The following SART1 variants were observed in gnomAD, a reference collection of about 807,000 sequenced individuals.
The protein encoded by SART1 is U4/U6.U5 tri-snRNP-associated protein 1.
SART1 carries 28 observed loss-of-function variants against 105.0 expected under a neutral mutation model. The observed-to-expected ratio is 0.27, with a 90% confidence interval of 0.20 to 0.37. The LOEUF is 0.37. Ranked by LOEUF, SART1 falls within the 10% of genes least tolerant of loss-of-function variation. The pLI is 1.00. For synonymous variants in SART1, 472 were observed against 462.9 expected, an observed-to-expected ratio of 1.02 and a Z score of -0.25; for missense variants, 894 against 1,106.5, an observed-to-expected ratio of 0.81 and a Z score of 2.72.
intron 9 of SART1, among the ~76,000 whole-genome samples, chr11:65,966,852 G>A (rs1007370538): frequency 5.3e-5 from 8 of 152,182 alleles, no homozygotes; most frequent in African/African-American, 1.9e-4. Flanking sequence ...GACAGGAGCC[G>A]CCTCCTGAGG....
At chr11:65,967,851 G>A (rs542473398) in intron 12 of SART1, 30 bp downstream of exon 12, 62 of 1,460,940 alleles carry the variant, frequency 4.2e-5, no homozygotes, top group Middle Eastern at 2.5e-4. Context: ...GGGTGACTGC[G>A]TCAGCAGTCA....
At chr11:65,972,842 A>C (rs1410968990) in intron 12 of SART1, among the ~76,000 whole-genome samples, 2 of 151,772 alleles carry the variant, frequency 1.3e-5, no homozygotes, top group Non-Finnish European at 2.9e-5. Context: ...TCTTCAAGAA[A>C]CCATGAAGAA....
chr11:65,975,410 ATT>A (rs531946236), intron 12 of SART1, among the ~76,000 whole-genome samples: 10 of 110,100 alleles, frequency 9.1e-5, no homozygotes, highest in Non-Finnish European at 1.2e-4. Context: ...CCCTGGAAGA[ATT>A]TTTTTTTTTT....
intron 9 of SART1, 133 bp from the exon 10 acceptor site, chr11:65,967,126 T>C: frequency 7.8e-7 from 1 of 1,278,866 alleles, no homozygotes; most frequent in Non-Finnish European, 1.1e-6. Context: ...ACCCCACATG[T>C]TGCTCATGTG....
intron 15 of SART1, 136 bp from the exon 16 acceptor site, chr11:65,977,427 C>T (rs748795257): frequency 9.1e-5 from 66 of 721,974 alleles, no homozygotes; most frequent in Non-Finnish European, 1.5e-4. Flanking sequence ...CTTTGCTTTG[C>T]CTGTAGAACA....
At chr11:65,974,963 C>T (rs1211771393) in intron 12 of SART1, among the ~76,000 whole-genome samples, 1 of 151,944 alleles carries the variant, frequency 6.6e-6, no homozygotes, top group Non-Finnish European at 1.5e-5. Context: ...TGCTGTGAAC[C>T]CAGGAGGCGG....
chr11:65,977,986 C>A, intron 17 of SART1, 87 bp downstream of exon 17: 1 of 1,420,270 alleles, frequency 7.0e-7, no homozygotes, highest in South Asian at 1.3e-5. Context: ...CCATGCAATG[C>A]CCCAGGGTCC....
At chr11:65,962,939 C>T (rs904719339) in intron 1 of SART1, among the ~76,000 whole-genome samples, 2 of 150,902 alleles carry the variant, frequency 1.3e-5, no homozygotes, top group African/African-American at 4.9e-5. Flanking sequence ...TAGTGGGTGT[C>T]ATTTCTACTG....
rs773288477 is a variant in SART1 at position 65,976,733 on chromosome 11, G to A, written c.1824G>A (p.Thr608=). The change falls in exon 14 of 20, where the codon ACG becomes ACA. Residue 608 remains threonine, a synonymous_variant. Coordinates refer to ENST00000312397, the MANE Select transcript of SART1 (RefSeq NM_005146.5). This position sits in a 1 kb window ranked among gnomAD's most constrained non-coding sequence, Gnocchi z 5.1. ...GGGAGGAGAACATCGGCTGGAGCAC[G>A]GTGAACCTGGACGAGGAGAAGCAGC... The part of the protein sequence containing the change: ...SDGEENIGWS[T]VNLDEEKQQQ... 20 of 1,612,490 alleles carry A rather than the reference G, an allele frequency of 1.2e-5. No individual in the cohort carries two copies. Among genetic ancestry groups the A allele is most frequent in the Admixed American group, 3.3e-5 (2 of 59,914 alleles).
chr11:65,966,392 G>A lies in SART1; in HGVS notation c.1024G>A (p.Glu342Lys). 2 of 1,613,986 alleles carry A rather than the reference G, an allele frequency of 1.2e-6. No homozygotes were observed. The highest frequency in any genetic ancestry group is 3.3e-4 in the Middle Eastern group (2 of 6,056). Residue 342 changes from glutamate to lysine, a missense_variant, in exon 9 of 20, where the codon GAA (glutamate) becomes AAA (lysine). By Grantham distance (56) the Glu-to-Lys change is moderately conservative. Transcript: ENST00000312397. ...CCTGTCCAAGTATGACGAAGAGCTT[G>A]AAGGGGAGCGGCCACATTCCTTCCG... ...SILSKYDEEL[E>K]GERPHSFRLE... is the part of the protein sequence containing the mutation.
In SART1 at chr11:65,978,611, G is replaced by T; in HGVS notation, c.2184G>T (p.Gln728His). 6.4e-7 allele frequency: 1 copy of T among 1,564,970 alleles called. No homozygotes were observed. Among genetic ancestry groups the T allele is most frequent in the African/African-American group, 1.4e-5 (1 of 73,764 alleles). The change falls in exon 18 of 20, where the codon CAG becomes CAT. Residue 728 changes from glutamine to histidine, a missense_variant. By Grantham distance (24) the Gln-to-His change is conservative. Transcript: ENST00000312397. The surrounding 1 kb of genome is among the most constrained non-coding windows in gnomAD (Gnocchi z 6.8). ...RKLTPKEAFR[Q>H]LSHRFHGKGS... ...CCCCGCGTCCCCAGGCTTTCCGGCA[G>T]CTGTCGCACCGCTTCCATGGCAAGG...
intron 12 of SART1, among the ~76,000 whole-genome samples, chr11:65,974,933 G>A (rs372766144): frequency 6.0e-5 from 9 of 150,854 alleles, no homozygotes; most frequent in South Asian, 2.1e-4. Context: ...CCAGCTACTC[G>A]GGAGGCTGAG....
At chr11:65,966,719 G>A (rs1429139008) in intron 9 of SART1, among the ~76,000 whole-genome samples, 163 bp downstream of exon 9, 2 of 152,212 alleles carry the variant, frequency 1.3e-5, no homozygotes, top group East Asian at 3.8e-4. Context: ...CACCAGGTGT[G>A]GATGGGTCAG....
In SART1 at chr11:65,976,773, G is replaced by T; in HGVS notation, c.1857+7G>T. ...GGAGAAGCAGCAGCAGGATGTGAGG[G>T]CCGCGCCGCTGGGGGGTGGGCGTTT... On this transcript the variant is annotated splice_region_variant and intron_variant, in intron 14 of 19. Transcript: ENST00000312397. This position sits in a 1 kb window ranked among gnomAD's most constrained non-coding sequence, Gnocchi z 5.1. The T allele has an allele frequency of 6.3e-7, 1 of 1,598,842 alleles. No individual in the cohort carries two copies. Among genetic ancestry groups the T allele is most frequent in the Non-Finnish European group, 8.5e-7 (1 of 1,172,268 alleles).
chr11:65,968,354 TG>T (rs1276077797), intron 12 of SART1, among the ~76,000 whole-genome samples: 1 of 152,206 alleles, frequency 6.6e-6, no homozygotes, highest in Non-Finnish European at 1.5e-5. Context: ...GAATGCCTGC[TG>T]TGAGTAGTGC....
At chr11:65,969,816 G>T (rs895499886) in intron 12 of SART1, among the ~76,000 whole-genome samples, 5 of 152,168 alleles carry the variant, frequency 3.3e-5, no homozygotes, top group Non-Finnish European at 7.3e-5. Context: ...TCCATGTCCC[G>T]GGCTCAAGCA....
chr11:65,979,042 C>G lies in SART1; in HGVS notation c.*12C>G, dbSNP rs370672268. 1.9e-6 allele frequency: 3 copies of G among 1,613,984 alleles called. No individual in the cohort carries two copies. In the East Asian group the frequency reaches 6.7e-5, roughly 36 times the overall value. On this transcript the variant is annotated 3_prime_UTR_variant, in exon 20 of 20. Coordinates refer to ENST00000312397, the MANE Select transcript of SART1 (RefSeq NM_005146.5). ...CCATCACCAAGTGACAGCGCCCTCC[C>G]GCCCCGGCCCTGCCTCAACCTTCAT... is the stretch of plus-strand genomic sequence containing the variant.
intron 12 of SART1, among the ~76,000 whole-genome samples, chr11:65,974,200 A>G (rs1185066521): frequency 3.8e-5 from 1 of 26,450 alleles, no homozygotes; most frequent in Non-Finnish European, 9.8e-5. Flanking sequence ...CTCTCTACTA[A>G]AAAAAAAAAA....
At chr11:65,973,183 G>A (rs540127670) in intron 12 of SART1, among the ~76,000 whole-genome samples, 7 of 152,072 alleles carry the variant, frequency 4.6e-5, no homozygotes, top group African/African-American at 1.7e-4. Context: ...CAAAAAAAAA[G>A]AAATTGAGAA....
Sources: allele counts gnomAD v4.1 joint callset (sites outside exome capture counted in the v4.1 genomes callset), GRCh38; gene constraint gnomAD v4.1.1; non-coding constraint Gnocchi (gnomAD v3.1); transcripts MANE v1.5; gene names NCBI Gene and HGNC (gene_info 2026-07-23, HGNC 2026-07-21).